The following TTC23L variants were observed in gnomAD, a reference collection of about 807,000 sequenced individuals.
TTC23L encodes the protein tetratricopeptide repeat protein 23-like.
A neutral mutation model predicts 48.1 loss-of-function variants in TTC23L; 42 were observed. That is an observed-to-expected ratio of 0.87 (90% CI 0.68 to 1.13). The LOEUF (loss-of-function observed/expected upper bound fraction) is 1.13. Ranked by LOEUF, TTC23L falls within the 50% of genes most tolerant of loss-of-function variation. The probability of loss-of-function intolerance (pLI) is 0.00; values close to 1 mark genes in which losing one functional copy is unlikely to be tolerated. For synonymous variants in TTC23L, 159 were observed against 157.2 expected (o/e 1.01, Z -0.09); for missense variants, 391 against 421.0 (o/e 0.93, Z 0.62).
At chr5:34,908,424 C>G in the TTC23L span, 1 of 161,466 alleles carries the variant, frequency 6.2e-6, no homozygotes, top group African/African-American at 2.4e-5. Context: ...ATCCGCCCAC[C>G]TCGGCTTCCC....
chr5:34,914,661 T>C, the TTC23L span: 9 of 1,603,528 alleles, frequency 5.6e-6, no homozygotes, highest in Non-Finnish European at 7.7e-6. Context: ...TTAGAGTATC[T>C]ATGGCACAGG....
chr5:34,915,652 G>T, the TTC23L span: 3 of 1,444,998 alleles, frequency 2.1e-6, no homozygotes, highest in Non-Finnish European at 2.7e-6. Flanking sequence ...GGAGCTGAGC[G>T]CTTAGAGCCG....
At chr5:34,873,862 G>C (rs12523132) in intron 8 of TTC23L, among the ~76,000 whole-genome samples, 3 of 152,046 alleles carry the variant, frequency 2.0e-5, no homozygotes, top group African/African-American at 7.2e-5. Context: ...GATGGGCGAC[G>C]TATAGGCTGA....
intron 9 of TTC23L, among the ~76,000 whole-genome samples, chr5:34,890,014 T>C (rs1762768613): frequency 6.6e-6 from 1 of 151,948 alleles, no homozygotes; most frequent in South Asian, 2.1e-4. Context: ...AATTTTTGTA[T>C]TTTTAGTAGA....
intron 9 of TTC23L, among the ~76,000 whole-genome samples, chr5:34,880,995 G>A (rs1212260953): frequency 6.6e-6 from 1 of 152,000 alleles, no homozygotes; most frequent in Non-Finnish European, 1.5e-5. Flanking sequence ...TAATGTTATG[G>A]TTCCCTTTCT....
At chr5:34,916,419 C>T in the TTC23L span, 1 of 152,416 alleles carries the variant, frequency 6.6e-6, no homozygotes, top group African/African-American at 2.4e-5. Context: ...GTAGTATGAG[C>T]TTTACTTGTA....
At chr5:34,871,248 T>C (rs1372108810) in intron 8 of TTC23L, among the ~76,000 whole-genome samples, 1 of 152,136 alleles carries the variant, frequency 6.6e-6, no homozygotes, top group Non-Finnish European at 1.5e-5. Context: ...TGCACAAAAC[T>C]TAATTGTAGT....
At chr5:34,845,634 A>G (rs1759047996) in exon 3 of TTC23L, 2 of 1,613,378 alleles carry the variant, frequency 1.2e-6, no homozygotes, top group Non-Finnish European at 1.7e-6. Context: ...AATTAGCCCA[A>G]TCCCAGAAGA....
At chr5:34,842,676 G>A (rs1192012076) in intron 2 of TTC23L, among the ~76,000 whole-genome samples, 1 of 152,196 alleles carries the variant, frequency 6.6e-6, no homozygotes, top group African/African-American at 2.4e-5. Context: ...AGATGTCACA[G>A]TAGATAACCT....
intron 9 of TTC23L, among the ~76,000 whole-genome samples, chr5:34,896,139 T>C (rs2111855007): frequency 6.6e-6 from 1 of 152,264 alleles, no homozygotes; most frequent in East Asian, 1.9e-4. Flanking sequence ...GTCTCTTTTA[T>C]GGGGAACAAG....
chr5:34,911,552 A>G, the TTC23L span: 1 of 1,613,908 alleles, frequency 6.2e-7, no homozygotes, highest in Non-Finnish European at 8.5e-7. Flanking sequence ...GCTCTCAAGT[A>G]CCTGAAATAA....
intron 2 of TTC23L, among the ~76,000 whole-genome samples, chr5:34,841,208 T>C (rs1236763510): frequency 6.6e-6 from 1 of 152,168 alleles, no homozygotes; most frequent in Non-Finnish European, 1.5e-5. Flanking sequence ...AGGTTAGTTA[T>C]AACAAGATTG....
chr5:34,904,615 G>T, the TTC23L span, among the ~76,000 whole-genome samples: 18 of 150,916 alleles, frequency 1.2e-4, no homozygotes, highest in Non-Finnish European at 2.4e-4. Flanking sequence ...AAAAGTTTAT[G>T]TAACCTGTTC....
At chr5:34,851,319 G>A (rs1411272191) in intron 4 of TTC23L, among the ~76,000 whole-genome samples, 1 of 152,114 alleles carries the variant, frequency 6.6e-6, no homozygotes, top group Non-Finnish European at 1.5e-5. Flanking sequence ...TAATGAGGCT[G>A]GATATCAGCA....
the TTC23L span, chr5:34,918,669 C>G: frequency 4.3e-6 from 2 of 467,404 alleles, no homozygotes; most frequent in Non-Finnish European, 7.7e-6. Flanking sequence ...TAGGTAGATT[C>G]TTTACTTTTT....
chr5:34,922,387 A>C, the TTC23L span: 5 of 918,864 alleles, frequency 5.4e-6, no homozygotes, highest in Non-Finnish European at 8.5e-6. Context: ...TTAAGGGTTG[A>C]GAATGAAGCA....
chr5:34,858,249 A>C (rs1760287242), intron 4 of TTC23L, among the ~76,000 whole-genome samples: 1 of 152,202 alleles, frequency 6.6e-6, no homozygotes, highest in African/African-American at 2.4e-5. Flanking sequence ...AAGTAACTTG[A>C]TCTATGAAGC....
Position 34,843,448 on chromosome 5 carries a change from C to G in TTC23L, c.69-2039C>G, listed in dbSNP as rs571495007. On this transcript the variant is annotated intron_variant, in intron 2 of 10. Transcript: ENST00000505624. ...GGATTTACATTCTCAAATCATTTGT[C>G]AAGACCTCAATGTTTCTCATTCCTT... Among the ~76,000 whole-genome samples, 54 of 152,342 alleles carry G rather than the reference C, an allele frequency of 3.5e-4. No homozygotes were observed. The South Asian group carries it at 6.0e-3, about 17-fold the overall frequency.
At chr5:34,862,501 C>T (rs1760749637) in intron 4 of TTC23L, among the ~76,000 whole-genome samples, 1 of 152,102 alleles carries the variant, frequency 6.6e-6, no homozygotes, top group South Asian at 2.1e-4. Flanking sequence ...GATGGAGAAG[C>T]GTTGTGGGTT....
Sources: gnomAD v4.1 joint callset for allele counts (sites outside exome capture counted in the v4.1 genomes callset) on GRCh38, gnomAD v4.1.1 for gene constraint, MANE v1.5 for transcripts, NCBI Gene and HGNC (gene_info 2026-07-23, HGNC 2026-07-21) for gene names.